TBC1D23: variants seen among roughly 807,000 people sequenced by gnomAD.
TBC1D23 encodes the protein TBC1 domain family member 23.
Under a neutral mutation model 91.4 loss-of-function variants are expected in TBC1D23, and 55 were observed. That is an observed-to-expected ratio of 0.60 (90% CI 0.48 to 0.75). The LOEUF (loss-of-function observed/expected upper bound fraction) is 0.75. Among genes scored for constraint, TBC1D23 ranks in the 30% least tolerant of loss-of-function variants. TBC1D23 has a pLI of 0.00. For synonymous variants in TBC1D23, 289 were observed against 281.0 expected, an observed-to-expected ratio of 1.03 and a Z score of -0.28; for missense variants, 725 against 836.1, an observed-to-expected ratio of 0.87 and a Z score of 1.64.
intron 3 of TBC1D23, among the ~76,000 whole-genome samples, chr3:100,283,025 A>T (rs377354411): frequency 2.0e-4 from 30 of 152,332 alleles, no homozygotes; most frequent in Middle Eastern, 3.4e-3. Context: ...TGCTTAAGTG[A>T]AACTGTTATT....
intron 4 of TBC1D23, among the ~76,000 whole-genome samples, chr3:100,290,188 G>C (rs1489322956): frequency 6.6e-6 from 1 of 152,162 alleles, no homozygotes; most frequent in Non-Finnish European, 1.5e-5. Flanking sequence ...ATTCCTGATT[G>C]AGTATATAAA....
intron 12 of TBC1D23, among the ~76,000 whole-genome samples, chr3:100,305,874 T>G (rs1473342650): frequency 2.0e-5 from 3 of 152,208 alleles, no homozygotes; most frequent in Admixed American, 1.3e-4. Context: ...CTGGTAACGA[T>G]ATAAAACTTG....
At chr3:100,300,567 T>A (rs1484390460) in intron 10 of TBC1D23, among the ~76,000 whole-genome samples, 1 of 150,490 alleles carries the variant, frequency 6.6e-6, no homozygotes, top group East Asian at 2.0e-4. Flanking sequence ...AGTGTTATGA[T>A]CTTGGCTCAC....
chr3:100,279,467 A>G, intron 1 of TBC1D23, 182 bp from the exon 2 acceptor site: 1 of 428,052 alleles, frequency 2.3e-6, no homozygotes, highest in East Asian at 3.5e-5. Flanking sequence ...GAGTAAATTG[A>G]CTGTATGAAG....
chr3:100,284,954 C>T (rs1388315885), intron 4 of TBC1D23, among the ~76,000 whole-genome samples: 1 of 151,912 alleles, frequency 6.6e-6, no homozygotes, highest in Non-Finnish European at 1.5e-5. Context: ...AGCGTGTAGC[C>T]AAGGTGGAGA....
chr3:100,264,754 G>A (rs2067544436), intron 1 of TBC1D23, among the ~76,000 whole-genome samples: 1 of 152,172 alleles, frequency 6.6e-6, no homozygotes, highest in Admixed American at 6.5e-5. Flanking sequence ...AAAAGGCTCA[G>A]GATGGACCTT....
At chr3:100,311,698 G>A (rs987472287) in intron 14 of TBC1D23, 135 bp from the exon 15 acceptor site, 2 of 583,182 alleles carry the variant, frequency 3.4e-6, no homozygotes, top group Non-Finnish European at 5.9e-6. Context: ...CTTTGTACTT[G>A]GGATGATGGA....
intron 3 of TBC1D23, among the ~76,000 whole-genome samples, chr3:100,282,706 A>G (rs1476305726): frequency 2.6e-5 from 4 of 152,244 alleles, no homozygotes; most frequent in South Asian, 2.1e-4. Flanking sequence ...CAGCAGAAAC[A>G]TTATTGCTGG....
At chr3:100,310,645 A>G in intron 14 of TBC1D23, 103 bp downstream of exon 14, 2 of 836,910 alleles carry the variant, frequency 2.4e-6, no homozygotes, top group Non-Finnish European at 1.8e-6. Context: ...GTTCCAGAAA[A>G]GGATTATAAA....
Position 100,290,610 on chromosome 3 carries a change from T to G in TBC1D23, c.509T>G (p.Leu170Arg), listed in dbSNP as rs867225453. Residue 170 changes from leucine to arginine, a missense_variant, in exon 5 of 19, where the codon CTC (leucine) becomes CGC (arginine). Transcript: ENST00000394144. Reference sequence around the variant, plus strand: ...TCCCAGAAAGGGAGACCATTTCATCTCTTCAGGTTGCTCATCCAATACCAT... The same window carrying G: ...TCCCAGAAAGGGAGACCATTTCATCGCTTCAGGTTGCTCATCCAATACCAT... ...DCSQKGRPFH[L>R]FRLLIQYHEP... The G allele has an allele frequency of 1.2e-6, 2 of 1,613,792 alleles. No individual in the cohort carries two copies. The highest frequency in any genetic ancestry group is 2.7e-5 in the African/African-American group (2 of 74,896).
intron 4 of TBC1D23, among the ~76,000 whole-genome samples, chr3:100,289,267 C>A (rs558145845): frequency 3.2e-4 from 49 of 152,140 alleles, no homozygotes; most frequent in African/African-American, 1.0e-3. Flanking sequence ...TCCCTATATC[C>A]AGTAAGATCC....
intron 2 of TBC1D23, among the ~76,000 whole-genome samples, chr3:100,280,605 C>A (rs2067686045): frequency 6.6e-6 from 1 of 152,102 alleles, no homozygotes; most frequent in Admixed American, 6.5e-5. Flanking sequence ...TACCTTTTTG[C>A]CCTATGCACA....
At chr3:100,311,143 T>C (rs1413633837) in intron 14 of TBC1D23, among the ~76,000 whole-genome samples, 2 of 152,228 alleles carry the variant, frequency 1.3e-5, no homozygotes, top group African/African-American at 4.8e-5. Context: ...GTTTGATCTT[T>C]CTTGTTCCTA....
chr3:100,312,030 G>A (rs1288463603), intron 15 of TBC1D23, among the ~76,000 whole-genome samples, 153 bp downstream of exon 15: 1 of 152,142 alleles, frequency 6.6e-6, no homozygotes, highest in Non-Finnish European at 1.5e-5. Context: ...AGTGTGTCAT[G>A]TTTATTGATA....
intron 17 of TBC1D23, 152 bp from the exon 18 acceptor site, chr3:100,320,625 A>G (rs976211338): frequency 4.9e-6 from 2 of 406,852 alleles, no homozygotes; most frequent in African/African-American, 4.1e-5. Context: ...TGTGTAGCTT[A>G]CTTGTTTATA....
chr3:100,301,980 G>T, intron 10 of TBC1D23, 87 bp from the exon 11 acceptor site: 24 of 887,210 alleles, frequency 2.7e-5, no homozygotes, highest in East Asian at 8.6e-5. Flanking sequence ...TTTAAATATT[G>T]GGGTTTTTCC....
At chr3:100,269,116 A>G (rs1361847120) in intron 1 of TBC1D23, among the ~76,000 whole-genome samples, 1 of 152,234 alleles carries the variant, frequency 6.6e-6, no homozygotes, top group African/African-American at 2.4e-5. Context: ...AGTAGCTTAT[A>G]GAATAACATT....
At chr3:100,290,797 C>T in intron 5 of TBC1D23, 96 bp downstream of exon 5, 1 of 1,078,648 alleles carries the variant, frequency 9.3e-7, no homozygotes, top group Admixed American at 2.6e-5. Context: ...AAAGAAAAGT[C>T]CTAATTATAG....
chr3:100,289,306 G>GTT (rs1330103199), intron 4 of TBC1D23, among the ~76,000 whole-genome samples: 1 of 152,152 alleles, frequency 6.6e-6, no homozygotes, highest in African/African-American at 2.4e-5. Context: ...TCTTTTAAGA[G>GTT]TTTTTTTCCA....
Sources: gnomAD v4.1 joint callset for allele counts (sites outside exome capture counted in the v4.1 genomes callset) on GRCh38, gnomAD v4.1.1 for gene constraint, MANE v1.5 for transcripts, NCBI Gene and HGNC (gene_info 2026-07-23, HGNC 2026-07-21) for gene names.